ERAL1: variants seen among roughly 807,000 people sequenced by gnomAD.
The protein encoded by ERAL1 is GTPase Era, mitochondrial.
ERAL1 carries 36 observed loss-of-function variants against 53.6 expected under a neutral mutation model. The ratio of observed to expected loss-of-function variants is 0.67; its 90% CI spans 0.51 to 0.89. The LOEUF is 0.89. ERAL1 is among the 40% of genes least tolerant of loss of function. ERAL1 has a pLI of 0.00. For missense variants in ERAL1, 512 were observed against 537.5 expected, an observed-to-expected ratio of 0.95 and a Z score of 0.47; for synonymous variants, 215 against 211.8, an observed-to-expected ratio of 1.02 and a Z score of -0.13.
chr17:28,855,438 C>T, intron 1 of ERAL1, 121 bp downstream of exon 1: 2 of 1,173,092 alleles, frequency 1.7e-6, no homozygotes. Flanking sequence ...CAGGGAGGAG[C>T]AGTGAAAAAT....
At chr17:28,859,760 G>A (rs536756028) in intron 9 of ERAL1, among the ~76,000 whole-genome samples, 1 of 151,768 alleles carries the variant, frequency 6.6e-6, no homozygotes, top group African/African-American at 2.4e-5. Context: ...GGCTGGCTTC[G>A]AACGCTTGAC....
intron 1 of ERAL1, 81 bp downstream of exon 1, chr17:28,855,398 A>G (rs2039228690): frequency 1.4e-6 from 2 of 1,451,018 alleles, no homozygotes; most frequent in Admixed American, 5.3e-5. Flanking sequence ...CTTTGATTCT[A>G]TTTTATAGAA....
chr17:28,856,390 A>G lies in ERAL1; in HGVS notation c.410A>G (p.Lys137Arg). The G allele has an allele frequency of 1.2e-6, 2 of 1,613,960 alleles. No homozygotes were observed. Among genetic ancestry groups the G allele is most frequent in the Non-Finnish European group, 1.7e-6 (2 of 1,179,914 alleles). ...CTCTCCAACCAGCTACTGGGCCGAAAGGTATGCTACACCCTTGACCATCCT... is the reference window on the plus strand; with the variant it reads ...CTCTCCAACCAGCTACTGGGCCGAAGGGTATGCTACACCCTTGACCATCCT... ...STLSNQLLGRKVFPVSRKVHT... is the reference protein window; with the variant it reads ...STLSNQLLGRRVFPVSRKVHT... The change falls in exon 2 of 10, where the codon AAG (lysine) becomes AGG (arginine). Residue 137 changes from lysine (K) to arginine (R), a missense_variant and splice_region_variant. Lys to Arg is a conservative substitution (Grantham distance 26). Transcript: ENST00000254928.
Position 28,858,393 on chromosome 17 carries a change from C to G in ERAL1, c.618C>G (p.Val206=). Reference sequence around the variant, plus strand: ...TTCTAGTTGTGGTTCTTGTGGATGTCTCAGACAAGTGGACACGGAACCAGC... The same window carrying G: ...TTCTAGTTGTGGTTCTTGTGGATGTGTCAGACAAGTGGACACGGAACCAGC... ...SADLVVVLVD[V]SDKWTRNQLS... Residue 206 remains valine (V), a synonymous_variant, in exon 6 of 10, where the codon GTC becomes GTG. Coordinates refer to ENST00000254928, the MANE Select transcript of ERAL1 (RefSeq NM_005702.4). The G allele has an allele frequency of 6.2e-7, 1 of 1,614,094 alleles. No individual in the cohort carries two copies. The highest frequency in any genetic ancestry group is 1.7e-5 in the Admixed American group (1 of 60,000).
Position 28,858,699 on chromosome 17 carries a change from C to T in ERAL1, c.835C>T (p.Pro279Ser), listed in dbSNP as rs1234499601. The T allele has an allele frequency of 6.2e-7, 1 of 1,614,194 alleles. No individual in the cohort carries two copies. Among genetic ancestry groups the T allele is most frequent in the Non-Finnish European group, 8.5e-7 (1 of 1,180,042 alleles). The change falls in exon 7 of 10, where the codon CCC becomes TCC. Residue 279 changes from proline to serine, a missense_variant. By Grantham distance (74) the Pro-to-Ser change is moderately conservative. Coordinates refer to ENST00000254928, the MANE Select transcript of ERAL1 (RefSeq NM_005702.4). ...CCACTCACACCCTGGCACCCATTGCCCCAGCCCAGCAGTTAAGGACCCAAA... is the reference window on the plus strand; with the variant it reads ...CCACTCACACCCTGGCACCCATTGCTCCAGCCCAGCAGTTAAGGACCCAAA... ...AFHSHPGTHCPSPAVKDPNTQ... is the reference protein window; with the variant it reads ...AFHSHPGTHCSSPAVKDPNTQ...
intron 9 of ERAL1, among the ~76,000 whole-genome samples, chr17:28,859,926 G>T (rs894408969): frequency 1.3e-5 from 2 of 152,048 alleles, no homozygotes; most frequent in Non-Finnish European, 2.9e-5. Context: ...CTCCGAAAGT[G>T]CTGGGATTAA....
In ERAL1 at chr17:28,858,109, T is replaced by TA. The variant is rs753085815; in HGVS notation, c.537-35dup. ...TCCCTCATCAGAAATGCCTTAGTCA[T>TA]AAGACCTTTCCTGACTGATGTATGT... On this transcript the variant is annotated intron_variant, in intron 4 of 9. Coordinates refer to ENST00000254928, the MANE Select transcript of ERAL1 (RefSeq NM_005702.4). 4.3e-6 allele frequency: 7 copies of TA among 1,613,688 alleles called. No individual in the cohort carries two copies. In the East Asian group the frequency reaches 8.9e-5, roughly 21 times the overall value.
In ERAL1 at chr17:28,855,054, GC is replaced by G; in HGVS notation, c.21del (p.Ala9LeufsTer8). On this transcript the variant is annotated frameshift_variant, in exon 1 of 10. Coordinates refer to ENST00000254928, the MANE Select transcript of ERAL1 (RefSeq NM_005702.4). LOFTEE classifies it high-confidence loss of function. The stretch of plus-strand genomic sequence containing the variant: ...GCTGTAATGGCTGCCCCCAGCTGGC[GC>G]GGGGCTAGGCTTGTTCAATCGGTGT... Reference protein sequence around the residue: MAAPSWRGARLVQSVLR... With the variant: MAAPSWXGARLVQSVLR... 6.3e-7 allele frequency: 1 copy of G among 1,594,956 alleles called. No individual in the cohort carries two copies. The highest frequency in any genetic ancestry group is 8.6e-7 in the Non-Finnish European group (1 of 1,167,964).
chr17:28,856,598 G>A lies in ERAL1; in HGVS notation c.489+16G>A, dbSNP rs781280721. ...GACCCAGGTGGTGGGTACCTACAAA[G>A]GGAGTCCTTGAAACAGGACAGAGGG... On this transcript the variant is annotated intron_variant, in intron 3 of 9. Coordinates refer to ENST00000254928, the MANE Select transcript of ERAL1 (RefSeq NM_005702.4). The A allele has an allele frequency of 7.4e-6, 12 of 1,613,030 alleles. No homozygotes were observed. The highest frequency in any genetic ancestry group is 1.6e-4 in the Middle Eastern group (1 of 6,084).
chr17:28,859,173 G>A (rs1225178768), intron 8 of ERAL1, 30 bp from the exon 9 acceptor site: 2 of 1,614,156 alleles, frequency 1.2e-6, no homozygotes, highest in Non-Finnish European at 1.7e-6. Flanking sequence ...CCAGGTGTAT[G>A]ACTGACTAAT....
chr17:28,857,082 G>C (rs1261637142), intron 3 of ERAL1, among the ~76,000 whole-genome samples: 2 of 150,480 alleles, frequency 1.3e-5, no homozygotes, highest in Admixed American at 6.6e-5. Flanking sequence ...CTGACATCTA[G>C]TCAGAAAGAT....
intron 9 of ERAL1, 69 bp from the exon 10 acceptor site, chr17:28,860,362 C>A: frequency 1.9e-6 from 3 of 1,578,174 alleles, no homozygotes; most frequent in Non-Finnish European, 1.7e-6. Context: ...TCACCTTAGC[C>A]CCCCAAGTAG....
chr17:28,859,399 TC>T (rs1294758409), intron 9 of ERAL1, 116 bp downstream of exon 9: 1 of 1,024,094 alleles, frequency 9.8e-7, no homozygotes, highest in African/African-American at 1.6e-5. Flanking sequence ...CTTCTTCTTT[TC>T]TTTTTTTTGA....
chr17:28,856,174 C>T (rs1161803802), intron 1 of ERAL1, 90 bp from the exon 2 acceptor site: 2 of 1,525,920 alleles, frequency 1.3e-6, no homozygotes, highest in Non-Finnish European at 1.8e-6. Context: ...AATTTTGTAC[C>T]CCTGCTCCCT....
rs1168924602 is a variant in ERAL1, at chr17:28,856,341, G to C, written c.361G>C (p.Ala121Pro). The part of the protein sequence containing the change: ...SRVLRVVLLG[A>P]PNAGKSTLSN... ...GGTCCTACGAGTGGTCCTCCTGGGA[G>C]CCCCGAATGCAGGGAAGTCAACACT... The change falls in exon 2 of 10, where the codon GCC becomes CCC. Residue 121 changes from alanine to proline, a missense_variant. Ala to Pro is a conservative substitution (Grantham distance 27). Coordinates refer to ENST00000254928, the MANE Select transcript of ERAL1 (RefSeq NM_005702.4). 6.2e-7 allele frequency: 1 copy of C among 1,614,052 alleles called. No individual in the cohort carries two copies. Among genetic ancestry groups the C allele is most frequent in the African/African-American group, 1.3e-5 (1 of 74,930 alleles).
intron 9 of ERAL1, among the ~76,000 whole-genome samples, chr17:28,859,820 G>T (rs531349802): frequency 6.6e-6 from 1 of 151,828 alleles, no homozygotes; most frequent in South Asian, 2.1e-4. Context: ...CTGACTATCC[G>T]CTAATTTAAA....
Position 28,855,295 on chromosome 17 carries a change from C to T in ERAL1, c.261C>T (p.Val87=). The T allele has an allele frequency of 1.2e-6, 2 of 1,603,134 alleles. No individual in the cohort carries two copies. Among genetic ancestry groups the T allele is most frequent in the Non-Finnish European group, 1.7e-6 (2 of 1,173,374 alleles). The part of the protein sequence containing the change: ...SQPDSSVTPC[V]PAVSMNRDEQ... Reference sequence around the variant, plus strand: ...CCGACAGTTCGGTGACTCCTTGCGTCCCCGCGGTGTCCATGAACAGAGGTA... The same window carrying T: ...CCGACAGTTCGGTGACTCCTTGCGTTCCCGCGGTGTCCATGAACAGAGGTA... Residue 87 remains valine, a synonymous_variant, in exon 1 of 10, where the codon GTC becomes GTT. Transcript: ENST00000254928.
rs1297680277 is a variant in ERAL1 at position 28,859,015 on chromosome 17, G to A, written c.1012G>A (p.Val338Ile). The A allele has an allele frequency of 6.2e-7, 1 of 1,614,204 alleles. No individual in the cohort carries two copies. Among genetic ancestry groups the A allele is most frequent in the Admixed American group, 1.7e-5 (1 of 60,026 alleles). Reference sequence around the variant, plus strand: ...AGGGCCCTGGGAGTACCACAGTGCAGTCCTCACTAGCCAGACACCAGAAGA... The same window carrying A: ...AGGGCCCTGGGAGTACCACAGTGCAATCCTCACTAGCCAGACACCAGAAGA... ...QPGPWEYHSA[V>I]LTSQTPEEIC... The change falls in exon 8 of 10, where the codon GTC becomes ATC. Residue 338 changes from valine (V) to isoleucine (I), a missense_variant. Val to Ile is a conservative substitution (Grantham distance 29, BLOSUM62 3). Coordinates refer to ENST00000254928, the MANE Select transcript of ERAL1 (RefSeq NM_005702.4).
intron 3 of ERAL1, 100 bp downstream of exon 3, chr17:28,856,682 T>A (rs762716590): frequency 9.4e-7 from 1 of 1,061,906 alleles, no homozygotes; most frequent in Non-Finnish European, 1.4e-6. Context: ...TCACATTCAT[T>A]TATGTGAGGA....
Sources: gnomAD v4.1 joint callset for allele counts (sites outside exome capture counted in the v4.1 genomes callset) on GRCh38, gnomAD v4.1.1 for gene constraint, MANE v1.5 for transcripts, NCBI Gene and HGNC (gene_info 2026-07-23, HGNC 2026-07-21) for gene names.